Variants in NTM observed in about 807,000 individuals in gnomAD.
NTM encodes the protein IgLON family member 2.
A neutral mutation model predicts 42.1 loss-of-function variants in NTM; 13 were observed. That is an observed-to-expected ratio of 0.31 (90% CI 0.20 to 0.49). The LOEUF (loss-of-function observed/expected upper bound fraction) is 0.49, where lower values mean the gene tolerates loss of function less well. NTM is among the 20% of genes least tolerant of loss of function. The pLI is 0.99. For synonymous variants in NTM, 187 were observed against 179.2 expected, an observed-to-expected ratio of 1.04 and a Z score of -0.35; for missense variants, 373 against 452.8, an observed-to-expected ratio of 0.82 and a Z score of 1.60.
intron 1 of NTM, among the ~76,000 whole-genome samples, chr11:131,906,966 C>T (rs1386820596): frequency 6.6e-6 from 1 of 152,146 alleles, no homozygotes; most frequent in Non-Finnish European, 1.5e-5. Context: ...TTTCCAGTTC[C>T]CAGCCCTTCC....
At chr11:131,754,650 C>A (rs1386245298) in intron 1 of NTM, among the ~76,000 whole-genome samples, 1 of 151,064 alleles carries the variant, frequency 6.6e-6, no homozygotes. Context: ...GCTAAACACA[C>A]AACTACCATA....
intron 2 of NTM, among the ~76,000 whole-genome samples, chr11:132,138,365 G>T (rs1472376352): frequency 3.3e-5 from 5 of 152,116 alleles, no homozygotes; most frequent in African/African-American, 4.8e-5. Context: ...ATTTAAGCTT[G>T]ACCTTGGTGT....
At chr11:131,787,354 G>GATGATTATTATTATT (rs1555125914) in intron 1 of NTM, among the ~76,000 whole-genome samples, 74 of 144,430 alleles carry the variant, frequency 5.1e-4, no homozygotes, top group Admixed American at 1.9e-3. Flanking sequence ...CATAATACAA[G>GATGATTATTATTATT]ATTATTATTA....
chr11:131,633,608 TCTCACTCTCTCC>T (rs1244124684), intron 1 of NTM, among the ~76,000 whole-genome samples: 8 of 61,946 alleles, frequency 1.3e-4, no homozygotes, highest in South Asian at 9.8e-4. Context: ...TCCCTCCCTC[TCTCACTCTCTCC>T]CTCTCTCTAT....
intron 1 of NTM, among the ~76,000 whole-genome samples, chr11:131,695,176 G>C (rs188913980): frequency 0.011 from 366 of 34,470 alleles, 1 homozygote; most frequent in African/African-American, 0.04. Flanking sequence ...GCCCTGAAAA[G>C]AAAAATCTCT....
chr11:132,127,459 G>T (rs1038188175), intron 2 of NTM, among the ~76,000 whole-genome samples: 2 of 152,216 alleles, frequency 1.3e-5, no homozygotes, highest in African/African-American at 4.8e-5. Context: ...GGATGGGGAG[G>T]CCTGAGCCCT....
chr11:132,289,273 AGACTCT>A (rs1202204139), intron 4 of NTM, among the ~76,000 whole-genome samples: 5 of 152,186 alleles, frequency 3.3e-5, no homozygotes, highest in African/African-American at 1.2e-4. Flanking sequence ...TTATCTTACT[AGACTCT>A]AGATTCTGTT....
At chr11:132,054,788 G>A (rs2079368949) in intron 2 of NTM, among the ~76,000 whole-genome samples, 1 of 152,188 alleles carries the variant, frequency 6.6e-6, no homozygotes. Context: ...AGTACTGGTG[G>A]CATTCCAAAA....
At chr11:131,960,955 A>G (rs1593202775) in intron 2 of NTM, among the ~76,000 whole-genome samples, 1 of 152,290 alleles carries the variant, frequency 6.6e-6, no homozygotes, top group Middle Eastern at 3.4e-3. Context: ...CTGTTTGAGC[A>G]CCGTGAGGGG....
In NTM at chr11:132,323,844, A is replaced by C. The variant is rs1304955763; in HGVS notation, c.935-6309A>C. On this transcript the variant is annotated intron_variant, in intron 7 of 8. Transcript: ENST00000683400. ...TATCCACCATGATCAAGTGGGCTTC[A>C]TCCCTGGGATGCAAGGCTGGTTCAA... is the stretch of plus-strand genomic sequence containing the variant. 2.1e-4 allele frequency among the ~76,000 whole-genome samples: 32 copies of C among 151,298 alleles called. 1 individual carries two copies. In the South Asian group the frequency reaches 6.5e-3, roughly 31 times the overall value.
At chr11:131,795,260 A>T in intron 1 of NTM, 1 of 462,418 alleles carries the variant, frequency 2.2e-6, no homozygotes, top group Non-Finnish European at 2.8e-6. Context: ...AAAATAGGAT[A>T]ATCATTTCTT....
intron 1 of NTM, among the ~76,000 whole-genome samples, chr11:131,463,620 C>A (rs1276823360): frequency 6.6e-6 from 1 of 152,180 alleles, no homozygotes. Context: ...AAAAATAAAT[C>A]TATTGAATTT....
At chr11:131,829,758 C>G (rs2136519003) in intron 1 of NTM, among the ~76,000 whole-genome samples, 1 of 152,256 alleles carries the variant, frequency 6.6e-6, no homozygotes, top group South Asian at 2.1e-4. Context: ...AATCTCCAAA[C>G]TGCTTCCTAC....
chr11:131,535,615 C>T (rs145766355), intron 1 of NTM: 1 of 152,312 alleles, frequency 6.6e-6, no homozygotes, highest in Non-Finnish European at 1.5e-5. Context: ...CACTTAAGTC[C>T]TCAAAGGAAA....
At chr11:131,495,620 T>C (rs902428290) in intron 1 of NTM, among the ~76,000 whole-genome samples, 1 of 152,050 alleles carries the variant, frequency 6.6e-6, no homozygotes, top group Admixed American at 6.6e-5. Context: ...GATCATGTGC[T>C]GCAGCCTGGG....
At chr11:131,402,195 C>T (rs1335281476) in intron 1 of NTM, among the ~76,000 whole-genome samples, 1 of 151,870 alleles carries the variant, frequency 6.6e-6, no homozygotes, top group African/African-American at 2.4e-5. Context: ...GGATGCAACA[C>T]CATGAAAATC....
chr11:131,428,717 C>T (rs891522767), intron 1 of NTM, among the ~76,000 whole-genome samples: 4 of 151,956 alleles, frequency 2.6e-5, no homozygotes, highest in Non-Finnish European at 5.9e-5. Flanking sequence ...AAAAACCTGG[C>T]CTGATAATTG....
chr11:132,139,173 T>G (rs2068584817), intron 2 of NTM, among the ~76,000 whole-genome samples: 1 of 152,086 alleles, frequency 6.6e-6, no homozygotes, highest in Admixed American at 6.5e-5. Context: ...AAGAAAAACA[T>G]CCAGGTTACC....
intron 1 of NTM, among the ~76,000 whole-genome samples, chr11:131,547,958 GC>G (rs2054162072): frequency 6.6e-6 from 1 of 152,152 alleles, no homozygotes; most frequent in Non-Finnish European, 1.5e-5. Context: ...AAGATTGCAA[GC>G]TTGTTTTCAA....
Sources: gnomAD v4.1 joint callset for allele counts (sites outside exome capture counted in the v4.1 genomes callset) on GRCh38, gnomAD v4.1.1 for gene constraint, MANE v1.5 for transcripts, NCBI Gene and HGNC (gene_info 2026-07-23, HGNC 2026-07-21) for gene names.